Variants in LRRIQ3 observed in about 807,000 individuals in gnomAD.
LRRIQ3 encodes leucine-rich repeat and IQ domain-containing protein 3.
LRRIQ3 carries 75 observed loss-of-function variants against 59.3 expected under a neutral mutation model. That is an observed-to-expected ratio of 1.26 (90% CI 1.05 to 1.53). LRRIQ3 has a LOEUF of 1.53. Among genes scored for constraint, LRRIQ3 ranks in the 40% most tolerant of loss-of-function variants. The pLI, the probability that LRRIQ3 is intolerant of heterozygous loss-of-function variation, is 0.00. For missense variants in LRRIQ3, 831 were observed against 710.0 expected (o/e 1.17, Z -1.94); for synonymous variants, 250 against 231.3 (o/e 1.08, Z -0.73).
intron 4 of LRRIQ3, among the ~76,000 whole-genome samples, chr1:74,119,414 A>G (rs547706013): frequency 2.8e-4 from 42 of 151,960 alleles, no homozygotes; most frequent in Non-Finnish European, 4.7e-4. Context: ...CGACTACTTT[A>G]TATACAAGCT....
intron 5 of LRRIQ3, among the ~76,000 whole-genome samples, chr1:74,105,311 G>A (rs1425648394): frequency 6.6e-6 from 1 of 151,158 alleles, no homozygotes; most frequent in Non-Finnish European, 1.5e-5. Flanking sequence ...GAGTGCAGTG[G>A]TGTGATCTTT....
chr1:74,180,682 T>C, intron 3 of LRRIQ3: 1 of 1,541,768 alleles, frequency 6.5e-7, no homozygotes, highest in Non-Finnish European at 8.8e-7. Flanking sequence ...TGATGCAATG[T>C]TGACTGCAGA....
chr1:74,156,961 C>A (rs1264432830), intron 3 of LRRIQ3, among the ~76,000 whole-genome samples: 1 of 152,036 alleles, frequency 6.6e-6, no homozygotes. Flanking sequence ...AACCCTATTA[C>A]ACTTAAAACA....
intron 5 of LRRIQ3, chr1:74,084,233 T>A: frequency 6.5e-7 from 1 of 1,541,226 alleles, no homozygotes; most frequent in Non-Finnish European, 8.8e-7. Context: ...AAAAATACAG[T>A]AATAAAGTTT....
At chr1:74,150,586 G>A (rs1021913063) in intron 4 of LRRIQ3, among the ~76,000 whole-genome samples, 11 of 151,684 alleles carry the variant, frequency 7.3e-5, no homozygotes, top group Admixed American at 2.0e-4. Flanking sequence ...GACTTTTCTC[G>A]CTTCTGCTAA....
intron 6 of LRRIQ3, among the ~76,000 whole-genome samples, chr1:74,054,746 A>ATC (rs1557594992): frequency 3.4e-5 from 5 of 145,244 alleles, no homozygotes; most frequent in African/African-American, 1.3e-4. Context: ...ACAAATATAT[A>ATC]TATATATATA....
chr1:74,089,630 CAA>C (rs1646372689), intron 5 of LRRIQ3, among the ~76,000 whole-genome samples: 1 of 151,806 alleles, frequency 6.6e-6, no homozygotes, highest in Admixed American at 6.6e-5. Context: ...TATTAAATGC[CAA>C]GAATAGACAA....
At chr1:74,067,330 T>G (rs1038547901) in intron 6 of LRRIQ3, among the ~76,000 whole-genome samples, 2 of 152,124 alleles carry the variant, frequency 1.3e-5, no homozygotes, top group African/African-American at 4.8e-5. Flanking sequence ...GAACTTCTCC[T>G]ACCTTAAGGT....
At chr1:74,103,928 C>A (rs1049960245) in intron 5 of LRRIQ3, among the ~76,000 whole-genome samples, 4 of 151,902 alleles carry the variant, frequency 2.6e-5, no homozygotes, top group Non-Finnish European at 2.9e-5. Flanking sequence ...CTAGTCAAAG[C>A]CAGCTACATA....
chr1:74,088,320 T>C (rs1646353698), intron 5 of LRRIQ3, among the ~76,000 whole-genome samples: 1 of 152,154 alleles, frequency 6.6e-6, no homozygotes, highest in Non-Finnish European at 1.5e-5. Flanking sequence ...TATAATGACA[T>C]AAAATGCTTA....
intron 6 of LRRIQ3, among the ~76,000 whole-genome samples, chr1:74,043,339 T>C (rs889361593): frequency 6.6e-6 from 1 of 152,050 alleles, no homozygotes; most frequent in Non-Finnish European, 1.5e-5. Flanking sequence ...ATGCTGGTGG[T>C]TTTATGGAAG....
In LRRIQ3 at chr1:74,183,486, GATGA is replaced by G; in HGVS notation, c.195_198del (p.Pro67PhefsTer5). The G allele has an allele frequency of 3.1e-6, 5 of 1,608,850 alleles. No homozygotes were observed. The highest frequency in any genetic ancestry group is 4.2e-6 in the Non-Finnish European group (5 of 1,177,188). ...ATTAATTTTATACAACTTTGAAGTG[GATGA>G]ATATCTGTAATAAAATTGTTTGAGA... On this transcript the variant is annotated frameshift_variant, in exon 2 of 8. Coordinates refer to ENST00000354431, the MANE Select transcript of LRRIQ3 (RefSeq NM_001105659.2). LOFTEE classifies it high-confidence loss of function.
chr1:74,058,865 C>A (rs1216310343), intron 6 of LRRIQ3, among the ~76,000 whole-genome samples: 1 of 151,980 alleles, frequency 6.6e-6, no homozygotes, highest in Non-Finnish European at 1.5e-5. Context: ...TAATTACAAA[C>A]AAAATAGAAA....
intron 6 of LRRIQ3, among the ~76,000 whole-genome samples, chr1:74,056,169 A>C (rs1347009263): frequency 6.6e-6 from 1 of 151,390 alleles, no homozygotes; most frequent in African/African-American, 2.4e-5. Context: ...AAATAAATAA[A>C]TAAATAAATA....
chr1:74,158,056 T>A (rs1400079503), intron 3 of LRRIQ3, among the ~76,000 whole-genome samples: 2 of 152,170 alleles, frequency 1.3e-5, no homozygotes, highest in African/African-American at 4.8e-5. Context: ...TCTTTTTTTA[T>A]GCTTCCTGGC....
At chr1:74,105,678 T>C (rs1026319571) in intron 5 of LRRIQ3, among the ~76,000 whole-genome samples, 5 of 152,056 alleles carry the variant, frequency 3.3e-5, no homozygotes, top group African/African-American at 1.2e-4. Context: ...ATAATACATC[T>C]AATAATAATT....
intron 7 of LRRIQ3, among the ~76,000 whole-genome samples, chr1:74,038,420 G>C (rs1312271891): frequency 6.6e-6 from 1 of 152,128 alleles, no homozygotes; most frequent in East Asian, 1.9e-4. Flanking sequence ...CAGACAAGTG[G>C]GTTTCCCCCC....
intron 4 of LRRIQ3, among the ~76,000 whole-genome samples, chr1:74,154,651 A>G (rs1409806431): frequency 6.6e-6 from 1 of 152,200 alleles, no homozygotes; most frequent in Non-Finnish European, 1.5e-5. Flanking sequence ...TAAAAACAAG[A>G]CCCTTTAATT....
chr1:74,031,667 G>T (rs549502514), intron 7 of LRRIQ3, among the ~76,000 whole-genome samples: 3 of 151,750 alleles, frequency 2.0e-5, no homozygotes, highest in East Asian at 3.9e-4. Context: ...ATGTAAATGA[G>T]GAGTTACTGG....
Sources: gnomAD v4.1 joint callset for allele counts (sites outside exome capture counted in the v4.1 genomes callset) on GRCh38, gnomAD v4.1.1 for gene constraint, MANE v1.5 for transcripts, NCBI Gene and HGNC (gene_info 2026-07-23, HGNC 2026-07-21) for gene names.